Variants in TMC5 observed in about 807,000 individuals in gnomAD.
The protein encoded by TMC5 is transmembrane channel like 5.
TMC5 carries 86 observed loss-of-function variants against 110.5 expected under a neutral mutation model. The observed-to-expected ratio is 0.78, with a 90% CI of 0.65 to 0.93. The LOEUF (loss-of-function observed/expected upper bound fraction) is 0.93, where lower values mean the gene tolerates loss of function less well. TMC5 is among the 40% of genes least tolerant of loss of function. The probability of loss-of-function intolerance (pLI) is 0.00; values close to 1 mark genes in which losing one functional copy is unlikely to be tolerated. For missense variants in TMC5, 1,144 were observed against 1,222.8 expected (o/e 0.94, Z 0.96); for synonymous variants, 455 against 439.5 (o/e 1.04, Z -0.44).
intron 5 of TMC5, among the ~76,000 whole-genome samples, chr16:19,454,434 C>T (rs980319281): frequency 2.0e-5 from 3 of 152,134 alleles, no homozygotes; most frequent in Non-Finnish European, 2.9e-5. Flanking sequence ...CAGAGCAATC[C>T]GGATTTGACC....
At chr16:19,444,842 A>G (rs1967576089) in intron 4 of TMC5, among the ~76,000 whole-genome samples, 1 of 152,218 alleles carries the variant, frequency 6.6e-6, no homozygotes. Context: ...CATCAAGACT[A>G]AAGAAAAGGC....
At chr16:19,468,687 C>A (rs1281718260) in intron 9 of TMC5, among the ~76,000 whole-genome samples, 4 of 152,128 alleles carry the variant, frequency 2.6e-5, no homozygotes, top group African/African-American at 9.7e-5. Context: ...TGCTACCCTG[C>A]TGGCTTTGAA....
intron 5 of TMC5, among the ~76,000 whole-genome samples, chr16:19,458,101 T>C (rs1464969587): frequency 2.6e-5 from 4 of 152,064 alleles, no homozygotes; most frequent in African/African-American, 4.8e-5. Context: ...AGGCAACAGA[T>C]AGGATGTCTC....
upstream of TMC5, among the ~76,000 whole-genome samples, chr16:19,416,987 G>A (rs981960603): frequency 2.0e-5 from 3 of 151,322 alleles, no homozygotes; most frequent in African/African-American, 4.9e-5. Context: ...CCAGCTACTC[G>A]GGAGGCTGAG....
At chr16:19,443,574 G>T (rs1443815087) in intron 3 of TMC5, among the ~76,000 whole-genome samples, 9 of 152,170 alleles carry the variant, frequency 5.9e-5, no homozygotes, top group Admixed American at 5.9e-4. Flanking sequence ...GCTTCTTGAG[G>T]GCAGGTACCC....
intron 1 of TMC5, among the ~76,000 whole-genome samples, chr16:19,423,922 T>A (rs1357145825): frequency 2.6e-5 from 4 of 152,140 alleles, no homozygotes; most frequent in African/African-American, 9.7e-5. Flanking sequence ...TGGTTAATTG[T>A]TTTTTATTTT....
At position 19,487,243 on chromosome 16, in the gene TMC5, A is replaced by T; in HGVS notation, c.2490A>T (p.Ser830=). ...FQPPSKAWRA[S]QMMTFFIFLL... ...CTCCGAGCAAAGCCTGGCGGGCCTC[A>T]CAGATGATGACTTTCTTCATCTTCT... is the stretch of plus-strand genomic sequence containing the variant. Residue 830 remains serine (S), a synonymous_variant, in exon 17 of 22, where the codon TCA becomes TCT. Coordinates refer to ENST00000542583, the MANE Select transcript of TMC5 (RefSeq NM_001261841.2). 6.2e-7 allele frequency: 1 copy of T among 1,614,064 alleles called. No homozygotes were observed. The highest frequency in any genetic ancestry group is 2.2e-5 in the East Asian group (1 of 44,868).
intron 15 of TMC5, among the ~76,000 whole-genome samples, chr16:19,486,037 A>G (rs1054838846): frequency 6.6e-6 from 1 of 152,174 alleles, no homozygotes; most frequent in Non-Finnish European, 1.5e-5. Flanking sequence ...AGATTTCTCT[A>G]TAAAATCTCT....
At chr16:19,413,254 T>G (rs1966860956), upstream of TMC5, among the ~76,000 whole-genome samples, 2 of 151,924 alleles carry the variant, frequency 1.3e-5, no homozygotes, top group African/African-American at 4.8e-5. Flanking sequence ...CTGGGCATGG[T>G]TACTCAAGCC....
intron 15 of TMC5, among the ~76,000 whole-genome samples, chr16:19,482,761 C>T (rs746771475): frequency 5.3e-5 from 8 of 152,148 alleles, no homozygotes; most frequent in East Asian, 1.9e-4. Context: ...AGAAACTCTG[C>T]GTGCATTGAG....
chr16:19,446,382 G>GA (rs1283075731), intron 4 of TMC5, among the ~76,000 whole-genome samples: 2 of 152,178 alleles, frequency 1.3e-5, no homozygotes, highest in Admixed American at 6.5e-5. Flanking sequence ...CGGCAATGAG[G>GA]AAAAAATGTC....
chr16:19,489,055 G>A lies in TMC5; in HGVS notation c.2574-1340G>A, dbSNP rs183404004. Among the ~76,000 whole-genome samples, 14 of 146,412 alleles carry A rather than the reference G, an allele frequency of 9.6e-5. No homozygotes were observed. The South Asian group carries it at 1.3e-3, about 13-fold the overall frequency. ...TTCTCTCTCTTCCTTGCTCCACAAC[G>A]CCCTTGCTCCTCTTGGCATATCCAC... On this transcript the variant is annotated intron_variant, in intron 17 of 21. Coordinates refer to ENST00000542583, the MANE Select transcript of TMC5 (RefSeq NM_001261841.2).
intron 2 of TMC5, among the ~76,000 whole-genome samples, chr16:19,431,484 G>A (rs1967195001): frequency 6.6e-6 from 1 of 151,706 alleles, no homozygotes; most frequent in Non-Finnish European, 1.5e-5. Context: ...GGAGGTTGCT[G>A]TGAGCCGAGA....
upstream of TMC5, among the ~76,000 whole-genome samples, chr16:19,415,375 G>A (rs1966871639): frequency 6.6e-6 from 1 of 152,146 alleles, no homozygotes; most frequent in African/African-American, 2.4e-5. Context: ...TGCCTCCCAG[G>A]GGATATTTGC....
chr16:19,458,610 C>A (rs145162946), intron 5 of TMC5, among the ~76,000 whole-genome samples: 17 of 152,324 alleles, frequency 1.1e-4, no homozygotes, highest in Non-Finnish European at 2.4e-4. Flanking sequence ...CCTTTACTCA[C>A]ACAAAGCATT....
intron 5 of TMC5, chr16:19,457,003 T>A: frequency 6.2e-7 from 1 of 1,610,740 alleles, no homozygotes. Flanking sequence ...GTTCTTCACA[T>A]GAAACTGTTC....
At position 19,490,385 on chromosome 16, in the gene TMC5, G is replaced by A. The variant is rs762675790; in HGVS notation, c.2574-10G>A. 5.6e-6 allele frequency: 9 copies of A among 1,613,898 alleles called. No individual in the cohort carries two copies. Among genetic ancestry groups the A allele is most frequent in the Non-Finnish European group, 1.7e-6 (2 of 1,179,836 alleles). On this transcript the variant is annotated splice_polypyrimidine_tract_variant and intron_variant, in intron 17 of 21. Coordinates refer to ENST00000542583, the MANE Select transcript of TMC5 (RefSeq NM_001261841.2). Reference sequence around the variant, plus strand: ...GTGCTAGAGATGTTCTTCCATCTTTGTTTTACCAGATTGAAGCCTTCAGCT... The same window carrying A: ...GTGCTAGAGATGTTCTTCCATCTTTATTTTACCAGATTGAAGCCTTCAGCT...
In TMC5 at chr16:19,498,136, A is replaced by G. The variant is rs1022558280; in HGVS notation, c.*170A>G. 4 of 626,996 alleles carry G rather than the reference A, an allele frequency of 6.4e-6. No homozygotes were observed. The highest frequency in any genetic ancestry group is 4.0e-5 in the South Asian group (2 of 50,574). 38.8% of individuals were successfully genotyped at this position (626,996 alleles called of 1,614,324 possible). The stretch of plus-strand genomic sequence containing the variant: ...TTATCAAAGTAAAATTGGGCATTCC[A>G]TGCTATTTTTAATACCTGGATTGCT... On this transcript the variant is annotated 3_prime_UTR_variant, in exon 22 of 22. Transcript: ENST00000542583.
intron 2 of TMC5, among the ~76,000 whole-genome samples, chr16:19,432,998 TACATATAATATAC>T (rs1319947538): frequency 6.6e-6 from 1 of 152,112 alleles, no homozygotes; most frequent in African/African-American, 2.4e-5. Context: ...TGTGTGTATA[TACATATAATATAC>T]ACATATAATA....
Sources: allele counts gnomAD v4.1 joint callset (sites outside exome capture counted in the v4.1 genomes callset), GRCh38; gene constraint gnomAD v4.1.1; transcripts MANE v1.5; gene names NCBI Gene and HGNC (gene_info 2026-07-23, HGNC 2026-07-21).